IGSF3: variants seen among roughly 807,000 people sequenced by gnomAD.
IGSF3 encodes glu-Trp-Ile EWI motif-containing protein 3.
IGSF3 carries 23 observed loss-of-function variants against 114.4 expected under a neutral mutation model. The observed-to-expected ratio is 0.20, with a 90% CI of 0.14 to 0.28. The LOEUF is 0.28. IGSF3 is among the 10% of genes least tolerant of loss of function. The pLI is 1.00. For missense variants in IGSF3, 1,172 were observed against 1,591.5 expected, an observed-to-expected ratio of 0.74 and a Z score of 4.48; for synonymous variants, 571 against 645.2, an observed-to-expected ratio of 0.88 and a Z score of 1.74.
intron 2 of IGSF3, among the ~76,000 whole-genome samples, chr1:116,626,134 T>C (rs1647239204): frequency 6.6e-6 from 1 of 152,218 alleles, no homozygotes; most frequent in Non-Finnish European, 1.5e-5. Flanking sequence ...CTTAAATATT[T>C]TAAAAATTAC....
chr1:116,658,207 T>C (rs1648951153), intron 2 of IGSF3, among the ~76,000 whole-genome samples: 1 of 151,916 alleles, frequency 6.6e-6, no homozygotes, highest in African/African-American at 2.4e-5. Flanking sequence ...ACATCTGGCT[T>C]TTTTGTGTTT....
rs1406840266 is a variant in IGSF3 at position 116,600,881 on chromosome 1, G to T, written c.1625-536C>A. On this transcript the variant is annotated intron_variant, in intron 6 of 10. Coordinates refer to ENST00000369486, the MANE Select transcript of IGSF3 (RefSeq NM_001007237.3). The surrounding 1 kb of genome is among the most constrained non-coding windows in gnomAD (Gnocchi z 5.5). Reference sequence around the variant, plus strand: ...ATGAAATCCAAAAACAGAGCAGGTGGGGACCTCCAGTGGGGTGGGACAATT... The same window carrying T: ...ATGAAATCCAAAAACAGAGCAGGTGTGGACCTCCAGTGGGGTGGGACAATT... Among the ~76,000 whole-genome samples the T allele has an allele frequency of 6.6e-6, 1 of 152,094 alleles. No individual in the cohort carries two copies. The highest frequency in any genetic ancestry group is 1.5e-5 in the Non-Finnish European group (1 of 68,038).
In IGSF3 at chr1:116,640,006, C is replaced by T. The variant is rs188315490; in HGVS notation, c.44-23549G>A. Among the ~76,000 whole-genome samples, 4 of 141,792 alleles carry T rather than the reference C, an allele frequency of 2.8e-5. No homozygotes were observed. The East Asian group carries it at 8.2e-4, about 29-fold the overall frequency. The allele number at this position is 141,792 out of a possible 152,430, so 93.0% of individuals were successfully genotyped here. A position where few individuals can be genotyped will look rare whatever the true frequency, so the allele number is the denominator to read the frequency against. The stretch of plus-strand genomic sequence containing the variant: ...AATGAGCCGAGATGGCACCGCGGCA[C>T]TCCAGCCTGAGCAACAGCGTGACTC... On this transcript the variant is annotated intron_variant, in intron 2 of 10. Transcript: ENST00000369486.
chr1:116,649,447 A>G lies in IGSF3; in HGVS notation c.43+16837T>C, dbSNP rs1288208005. On this transcript the variant is annotated intron_variant, in intron 2 of 10. Coordinates refer to ENST00000369486, the MANE Select transcript of IGSF3 (RefSeq NM_001007237.3). The surrounding 1 kb of genome is among the most constrained non-coding windows in gnomAD (Gnocchi z 4.5). ...ATGAATTCAACGCCTCATTACTTAG[A>G]TCTTTCCTCATTACCTCAAAGCCAT... is the stretch of plus-strand genomic sequence containing the variant. Among the ~76,000 whole-genome samples the G allele has an allele frequency of 6.6e-6, 1 of 152,184 alleles. No homozygotes were observed. Among genetic ancestry groups the G allele is most frequent in the Non-Finnish European group, 1.5e-5 (1 of 68,030 alleles).
intron 4 of IGSF3, among the ~76,000 whole-genome samples, chr1:116,609,439 A>C (rs1660927264): frequency 6.6e-6 from 1 of 151,886 alleles, no homozygotes; most frequent in Admixed American, 6.6e-5. Flanking sequence ...GGGGTGACCA[A>C]AGAGGGGCTC....
chr1:116,613,789 C>T lies in IGSF3; in HGVS notation c.808G>A (p.Ala270Thr). 6.2e-7 allele frequency: 1 copy of T among 1,613,892 alleles called. No homozygotes were observed. The highest frequency in any genetic ancestry group is 8.5e-7 in the Non-Finnish European group (1 of 1,179,760). ...CCAGTTGGCTGGACGTTGACCACGG[C>T]TCCCTCGGAACGCTTTCGGGTCATA... The part of the protein sequence containing the change: ...YAMTRKRSEG[A>T]VVNVQPTDKE... Residue 270 changes from alanine to threonine, a missense_variant, in exon 4 of 11, where the codon GCC (alanine) becomes ACC (threonine). Ala to Thr is a moderately conservative substitution (Grantham distance 58). Transcript: ENST00000369486.
chr1:116,656,536 C>T (rs1648859301), intron 2 of IGSF3, among the ~76,000 whole-genome samples: 1 of 151,982 alleles, frequency 6.6e-6, no homozygotes, highest in African/African-American at 2.4e-5. Context: ...GTGATCTGCC[C>T]ACCTCAGCCT....
At chr1:116,641,590 G>A (rs1648107979) in intron 2 of IGSF3, among the ~76,000 whole-genome samples, 1 of 150,550 alleles carries the variant, frequency 6.6e-6, no homozygotes, top group African/African-American at 2.5e-5. Context: ...AGAAGGAAAT[G>A]CCATAAAGCA....
Position 116,577,932 on chromosome 1 carries a change from C to A in IGSF3, c.3335-370G>T, listed in dbSNP as rs1659421624. Among the ~76,000 whole-genome samples the A allele has an allele frequency of 1.3e-5, 2 of 152,118 alleles. No individual in the cohort carries two copies. Among genetic ancestry groups the A allele is most frequent in the Non-Finnish European group, 2.9e-5 (2 of 68,022 alleles). On this transcript the variant is annotated intron_variant, in intron 10 of 10. Coordinates refer to ENST00000369486, the MANE Select transcript of IGSF3 (RefSeq NM_001007237.3). The surrounding 1 kb of genome is among the most constrained non-coding windows in gnomAD (Gnocchi z 5.7). The stretch of plus-strand genomic sequence containing the variant: ...CTCCTGCATGGTTGGATTTTACATG[C>A]CCCTTTGCACTTAGTTCTGCTACAG...
At chr1:116,631,744 C>T (rs1269878237) in intron 2 of IGSF3, among the ~76,000 whole-genome samples, 1 of 152,134 alleles carries the variant, frequency 6.6e-6, no homozygotes, top group Non-Finnish European at 1.5e-5. Flanking sequence ...CTGCCATGTG[C>T]CTCTGAGAAG....
chr1:116,611,102 T>G (rs1571154614), intron 4 of IGSF3, among the ~76,000 whole-genome samples: 1 of 152,280 alleles, frequency 6.6e-6, no homozygotes, highest in Non-Finnish European at 1.5e-5. Context: ...TCTTATTAGC[T>G]CTTTTCTACC....
intron 2 of IGSF3, among the ~76,000 whole-genome samples, chr1:116,645,189 C>G (rs1011624265): frequency 1.3e-5 from 2 of 152,252 alleles, no homozygotes; most frequent in Non-Finnish European, 2.9e-5. Flanking sequence ...AAGGCGTGAA[C>G]TAGATATACA....
At position 116,634,049 on chromosome 1, in the gene IGSF3, G is replaced by A. The variant is rs1198930181; in HGVS notation, c.44-17592C>T. 6.6e-6 allele frequency among the ~76,000 whole-genome samples: 1 copy of A among 152,240 alleles called. No homozygotes were observed. The highest frequency in any genetic ancestry group is 2.4e-5 in the African/African-American group (1 of 41,460). On this transcript the variant is annotated intron_variant, in intron 2 of 10. Coordinates refer to ENST00000369486, the MANE Select transcript of IGSF3 (RefSeq NM_001007237.3). The surrounding 1 kb of genome is among the most constrained non-coding windows in gnomAD (Gnocchi z 4.2). ...GCATCAAAGAGGTAACAATGGTAGA[G>A]AATATTTTCTGAAAGACACACATGA...
intron 6 of IGSF3, among the ~76,000 whole-genome samples, chr1:116,602,850 T>C (rs1309584233): frequency 6.6e-6 from 1 of 152,234 alleles, no homozygotes; most frequent in African/African-American, 2.4e-5. Flanking sequence ...GGCAGATAAA[T>C]GTTGATAGAA....
In IGSF3 at chr1:116,634,685, A is replaced by G. The variant is rs1177746170; in HGVS notation, c.44-18228T>C. Among the ~76,000 whole-genome samples, 1 of 151,906 alleles carries G rather than the reference A, an allele frequency of 6.6e-6. No homozygotes were observed. The highest frequency in any genetic ancestry group is 1.5e-5 in the Non-Finnish European group (1 of 67,978). On this transcript the variant is annotated intron_variant, in intron 2 of 10. Transcript: ENST00000369486. The surrounding 1 kb of genome is among the most constrained non-coding windows in gnomAD (Gnocchi z 4.2). ...TCTCCCGTGCCTGCTCTGCTTACCC[A>G]TGGCTTTGACACTCCTTCCATCGAG...
chr1:116,616,347 C>G lies in IGSF3; in HGVS notation c.154G>C (p.Glu52Gln), dbSNP rs564434455. Residue 52 changes from glutamate to glutamine, a missense_variant, in exon 3 of 11, where the codon GAG becomes CAG. Around this residue, in one of 3 missense-constraint regions of IGSF3, gnomAD observed 736 missense variants for 1,042.0 expected, o/e 0.71. Transcript: ENST00000369486. This position sits in a 1 kb window ranked among gnomAD's most constrained non-coding sequence, Gnocchi z 6.6. ...TAAATGGACCACTGGAAATTCTGCT[C>G]AGAAGGTCCCTGGTAGCCACTCACA... ...CNVSGYQGPS[E>Q]QNFQWSIYLP... 6 of 1,612,204 alleles carry G rather than the reference C, an allele frequency of 3.7e-6. No individual in the cohort carries two copies. The highest frequency in any genetic ancestry group is 5.1e-6 in the Non-Finnish European group (6 of 1,179,946).
At position 116,614,154 on chromosome 1, in the gene IGSF3, G is replaced by C. The variant is rs764758232; in HGVS notation, c.443C>G (p.Thr148Ser). 3.7e-6 allele frequency: 6 copies of C among 1,610,958 alleles called. No individual in the cohort carries two copies. In the South Asian group the frequency reaches 5.5e-5, roughly 15 times the overall value. ...NLVVIPDSLQ[T>S]TAMPQTLHRV... ...GTGCAGAGTCTGGGGCATGGCAGTG[G>C]TCTGCAGGGAGTCTGGGATCACTGC... Residue 148 changes from threonine (T) to serine (S), a missense_variant, in exon 4 of 11, where the codon ACC (threonine) becomes AGC (serine). This residue lies in a region of IGSF3 where 736 missense variants were observed against 1,042.0 expected (regional missense o/e 0.71). Transcript: ENST00000369486. The surrounding 1 kb of genome is among the most constrained non-coding windows in gnomAD (Gnocchi z 4.5).
chr1:116,603,348 C>A lies in IGSF3; in HGVS notation c.1624+276G>T, dbSNP rs546510095. Among the ~76,000 whole-genome samples, 195 of 152,306 alleles carry A rather than the reference C, an allele frequency of 1.3e-3. No homozygotes were observed. Among genetic ancestry groups the A allele is most frequent in the African/African-American group, 4.5e-3 (186 of 41,564 alleles). On this transcript the variant is annotated intron_variant, in intron 6 of 10. Coordinates refer to ENST00000369486, the MANE Select transcript of IGSF3 (RefSeq NM_001007237.3). The surrounding 1 kb of genome is among the most constrained non-coding windows in gnomAD (Gnocchi z 7.1). Reference sequence around the variant, plus strand: ...GAGTTCTGATAACATCACTCTCTCCCAGCCAGACTAGGAGTAGTCACAGCT... The same window carrying A: ...GAGTTCTGATAACATCACTCTCTCCAAGCCAGACTAGGAGTAGTCACAGCT...
At position 116,579,559 on chromosome 1, in the gene IGSF3, T is replaced by A; in HGVS notation, c.3167A>T (p.Gln1056Leu). The change falls in exon 10 of 11, where the codon CAG becomes CTG. Residue 1056 changes from glutamine (Q) to leucine (L), a missense_variant. This residue lies in a region of IGSF3 where 423 missense variants were observed against 509.8 expected (regional missense o/e 0.83). Transcript: ENST00000369486. This position sits in a 1 kb window ranked among gnomAD's most constrained non-coding sequence, Gnocchi z 6.4. ...GSPWEGRLRF[Q>L]RLSPVLYRLT... is the part of the protein sequence containing the mutation. The stretch of plus-strand genomic sequence containing the variant: ...CCGGTAGAGCACCGGGGAGAGCCTC[T>A]GGAAGCGAAGCCTGCCCTCCCAAGG... The A allele has an allele frequency of 6.2e-7, 1 of 1,614,180 alleles. No individual in the cohort carries two copies. Among genetic ancestry groups the A allele is most frequent in the Non-Finnish European group, 8.5e-7 (1 of 1,180,030 alleles).
Sources: gnomAD v4.1 joint callset for allele counts (sites outside exome capture counted in the v4.1 genomes callset) on GRCh38, gnomAD v4.1.1 for gene constraint, gnomAD v4.1.1 regional missense constraint, Gnocchi (gnomAD v3.1) non-coding constraint, MANE v1.5 for transcripts, NCBI Gene and HGNC (gene_info 2026-07-23, HGNC 2026-07-21) for gene names.